CORO7: variants seen among roughly 807,000 people sequenced by gnomAD.
The protein encoded by CORO7 is coronin 7.
Under a neutral mutation model 126.6 loss-of-function variants are expected in CORO7, and 107 were observed. The observed-to-expected ratio is 0.85, with a 90% CI of 0.72 to 0.99. The LOEUF is 0.99. CORO7 is among the 50% of genes least tolerant of loss of function. The pLI is 0.00. For synonymous variants in CORO7, 603 were observed against 536.8 expected (o/e 1.12, Z -1.70); for missense variants, 1,314 against 1,255.8 (o/e 1.05, Z -0.70).
At chr16:4,380,908 C>T in intron 9 of CORO7, 2 of 1,560,882 alleles carry the variant, frequency 1.3e-6, no homozygotes, top group Non-Finnish European at 1.7e-6. Context: ...GCTGCTGCCG[C>T]TGCTCCTGCT....
At chr16:4,375,511 G>A (rs1245904618) in intron 9 of CORO7, among the ~76,000 whole-genome samples, 2 of 152,214 alleles carry the variant, frequency 1.3e-5, no homozygotes, top group Admixed American at 1.3e-4. Flanking sequence ...TTTTTGAGAT[G>A]GAGTATTGCT....
At chr16:4,382,863 C>T in intron 9 of CORO7, 1 of 1,567,518 alleles carries the variant, frequency 6.4e-7, no homozygotes, top group Non-Finnish European at 8.6e-7. Flanking sequence ...CAGGGCCTGG[C>T]CTCCAGTCAC....
rs1233902371 is a variant in CORO7 at position 4,404,972 on chromosome 16, G to A, written c.564+519C>T. Among the ~76,000 whole-genome samples, 3 of 152,090 alleles carry A rather than the reference G, an allele frequency of 2.0e-5. No homozygotes were observed. In the East Asian group the frequency reaches 5.8e-4, roughly 29 times the overall value. On this transcript the variant is annotated intron_variant, in intron 6 of 27. Transcript: ENST00000251166. ...AACCCTTACTCACCACCCAGCACCC[G>A]CCTGCCCCGCACCTGCCTGTCCTGG... is the stretch of plus-strand genomic sequence containing the variant.
Position 4,364,615 on chromosome 16 carries a change from C to T in CORO7, c.1119G>A (p.Trp373Ter). The change falls in exon 13 of 28, where the codon TGG (tryptophan) becomes TGA (stop). Residue 373 changes from tryptophan to a stop codon, truncating the protein, a stop_gained. Coordinates refer to ENST00000251166, the MANE Select transcript of CORO7 (RefSeq NM_024535.5). LOFTEE classifies it high-confidence loss of function. ...CVPATDPHSW[W>*]AGDNQQVQKV... ...GTCCTACCTGCTGGTTGTCCCCAGC[C>T]CACCAGCTATGGGGGTCGGTGGCAG... The T allele has an allele frequency of 6.4e-7, 1 of 1,565,528 alleles. No individual in the cohort carries two copies. The highest frequency in any genetic ancestry group is 1.9e-4 in the Middle Eastern group (1 of 5,374).
chr16:4,400,854 T>C (rs2055776880), intron 6 of CORO7, among the ~76,000 whole-genome samples: 1 of 150,586 alleles, frequency 6.6e-6, no homozygotes, highest in Non-Finnish European at 1.5e-5. Flanking sequence ...GGTTCCTCAA[T>C]TGAAACAACG....
At chr16:4,401,655 A>G (rs868103141) in intron 6 of CORO7, among the ~76,000 whole-genome samples, 4 of 152,190 alleles carry the variant, frequency 2.6e-5, no homozygotes, top group Non-Finnish European at 5.9e-5. Flanking sequence ...ACAGAGCACA[A>G]TGACAGAGCG....
intron 9 of CORO7, among the ~76,000 whole-genome samples, chr16:4,380,514 C>G (rs1278725537): frequency 6.6e-6 from 1 of 152,216 alleles, no homozygotes. Context: ...GCTGCCGCTC[C>G]AAGTCCCACC....
At chr16:4,381,032 C>G (rs757867129) in intron 9 of CORO7, 1 of 1,610,432 alleles carries the variant, frequency 6.2e-7, no homozygotes, top group Non-Finnish European at 8.5e-7. Context: ...GACGTGCCAC[C>G]CGACACGGTG....
At position 4,362,961 on chromosome 16, in the gene CORO7, T is replaced by A. The variant is rs569322358; in HGVS notation, c.1276-223A>T. On this transcript the variant is annotated intron_variant, in intron 14 of 27. Coordinates refer to ENST00000251166, the MANE Select transcript of CORO7 (RefSeq NM_024535.5). The surrounding 1 kb of genome is among the most constrained non-coding windows in gnomAD (Gnocchi z 5.3). Reference sequence around the variant, plus strand: ...GGGACAGCAAGTGGCAGCTGCTGGCTCCCAGCCCTGCAGGAGGGTGTGCCC... The same window carrying A: ...GGGACAGCAAGTGGCAGCTGCTGGCACCCAGCCCTGCAGGAGGGTGTGCCC... 51 of 429,346 alleles carry A rather than the reference T, an allele frequency of 1.2e-4. No individual in the cohort carries two copies. Among genetic ancestry groups the A allele is most frequent in the African/African-American group, 9.6e-4 (47 of 49,204 alleles). The allele number at this position is 429,346 out of a possible 1,614,324, so 26.6% of individuals were successfully genotyped here.
rs375394342 is a variant in CORO7, at chr16:4,360,474, G to A, written c.1992C>T (p.Tyr664=). 1.9e-6 allele frequency: 3 copies of A among 1,612,312 alleles called. No individual in the cohort carries two copies. The highest frequency in any genetic ancestry group is 1.3e-5 in the African/African-American group (1 of 74,890). Residue 664 remains tyrosine, a synonymous_variant, in exon 20 of 28, where the codon TAC becomes TAT. Transcript: ENST00000251166. The part of the protein sequence containing the change: ...TVCKDGRVRV[Y]RPRSGPEPLQ... The stretch of plus-strand genomic sequence containing the variant: ...GGGGCTCAGGGCCACTCCGGGGCCT[G>A]TAGACCCGCACACGCCCATCCTTGC...
chr16:4,361,592 G>A, intron 16 of CORO7, 123 bp from the exon 17 acceptor site: 2 of 1,191,086 alleles, frequency 1.7e-6, no homozygotes, highest in South Asian at 2.6e-5. Context: ...CCACCGCTGG[G>A]TGACCCAAGC....
Position 4,361,047 on chromosome 16 carries a change from G to C in CORO7, c.1813C>G (p.Leu605Val). Residue 605 changes from leucine to valine, a missense_variant, in exon 19 of 28, where the codon CTG becomes GTG. Leu to Val is a conservative substitution (Grantham distance 32). Coordinates refer to ENST00000251166, the MANE Select transcript of CORO7 (RefSeq NM_024535.5). The part of the protein sequence containing the change: ...EKICSLRFHP[L>V]AANVLASSSY... ...GACGAGGCCAGCACATTGGCTGCCA[G>C]TGGGTGGAAGCGCAGGGAGCAGATC... 9 of 1,613,400 alleles carry C rather than the reference G, an allele frequency of 5.6e-6. No individual in the cohort carries two copies. Among genetic ancestry groups the C allele is most frequent in the Non-Finnish European group, 7.6e-6 (9 of 1,180,024 alleles).
chr16:4,393,877 G>T (rs1284574355), intron 7 of CORO7, among the ~76,000 whole-genome samples: 1 of 152,152 alleles, frequency 6.6e-6, no homozygotes, highest in Non-Finnish European at 1.5e-5. Context: ...GAGGAGGGTG[G>T]ATCACAAGGT....
At chr16:4,397,341 G>A (rs2055633625) in intron 6 of CORO7, 1 of 151,924 alleles carries the variant, frequency 6.6e-6, no homozygotes, top group African/African-American at 2.4e-5. Context: ...TACTCGGGAG[G>A]CTGAGTCAGG....
intron 9 of CORO7, among the ~76,000 whole-genome samples, chr16:4,386,659 T>C (rs1286501501): frequency 6.6e-6 from 1 of 152,168 alleles, no homozygotes; most frequent in Non-Finnish European, 1.5e-5. Flanking sequence ...AGGGCAGCCC[T>C]GACTCTGCCT....
intron 6 of CORO7, among the ~76,000 whole-genome samples, chr16:4,403,615 C>T (rs772547467): frequency 1.4e-4 from 21 of 152,186 alleles, no homozygotes; most frequent in Non-Finnish European, 2.4e-4. Context: ...GTCTGTGACT[C>T]CTATGACTCT....
chr16:4,355,012 A>T lies in CORO7; in HGVS notation c.*146T>A. 1 of 824,032 alleles carries T rather than the reference A, an allele frequency of 1.2e-6. No homozygotes were observed. Among genetic ancestry groups the T allele is most frequent in the Non-Finnish European group, 1.8e-6 (1 of 562,092 alleles). 51.0% of individuals were successfully genotyped at this position (824,032 alleles called of 1,614,324 possible). On this transcript the variant is annotated 3_prime_UTR_variant, in exon 28 of 28. Coordinates refer to ENST00000251166, the MANE Select transcript of CORO7 (RefSeq NM_024535.5). ...TCCCTGGGAACTGCCAGAGGCCCAG[A>T]GGATGTGGAAGTGCCCACGGGAAGG...
intron 20 of CORO7, 21 bp from the exon 21 acceptor site, chr16:4,360,384 A>G (rs2054125793): frequency 5.0e-6 from 8 of 1,613,234 alleles, no homozygotes; most frequent in Non-Finnish European, 6.8e-6. Context: ...ACATCGCGTG[A>G]CACCCAGCCA....
chr16:4,371,146 C>T (rs1352113907), intron 9 of CORO7, among the ~76,000 whole-genome samples: 1 of 152,224 alleles, frequency 6.6e-6, no homozygotes, highest in African/African-American at 2.4e-5. Context: ...CTGCCAGTAA[C>T]TGTGGGGCCG....
Sources: gnomAD v4.1 joint callset for allele counts (sites outside exome capture counted in the v4.1 genomes callset) on GRCh38, gnomAD v4.1.1 for gene constraint, Gnocchi (gnomAD v3.1) non-coding constraint, MANE v1.5 for transcripts, NCBI Gene and HGNC (gene_info 2026-07-23, HGNC 2026-07-21) for gene names.